SRP9: variants seen among roughly 807,000 people sequenced by gnomAD.
SRP9 encodes signal recognition particle 9.
In SRP9, 2 loss-of-function variants were observed where a neutral mutation model predicts 11.7. That is an observed-to-expected ratio of 0.17 (90% confidence interval 0.07 to 0.54). The LOEUF is 0.54. SRP9 is among the 20% of genes least tolerant of loss of function. The pLI is 0.94. For missense variants in SRP9, 54 were observed against 108.1 expected, an observed-to-expected ratio of 0.50 and a Z score of 2.22; for synonymous variants, 27 against 35.6, an observed-to-expected ratio of 0.76 and a Z score of 0.86.
At chr1:225,788,841 G>GT (rs201423099) in intron 2 of SRP9, among the ~76,000 whole-genome samples, 179 of 151,598 alleles carry the variant, frequency 1.2e-3, no homozygotes, top group African/African-American at 3.6e-3. Flanking sequence ...AGATTTCTGT[G>GT]TTTTTTTTTC....
Position 225,789,634 on chromosome 1 carries a change from T to C in SRP9, c.*275T>C, listed in dbSNP as rs1294943613. 3.9e-5 allele frequency: 9 copies of C among 228,588 alleles called. No individual in the cohort carries two copies. In the South Asian group the frequency reaches 8.2e-4, roughly 21 times the overall value. 14.2% of individuals were successfully genotyped at this position (228,588 alleles called of 1,614,324 possible). A position where few individuals can be genotyped will look rare whatever the true frequency, so the allele number is the denominator to read the frequency against. On this transcript the variant is annotated 3_prime_UTR_variant, in exon 3 of 3. Coordinates refer to ENST00000304786, the MANE Select transcript of SRP9 (RefSeq NM_003133.6). ...ATGTTAGGTAAAACATGTAATTGTT[T>C]CTCTGGCAAATTTGTATCAGTAATT...
intron 1 of SRP9, 142 bp from the exon 2 acceptor site, chr1:225,783,158 G>C (rs1042465945): frequency 5.5e-6 from 3 of 546,860 alleles, no homozygotes; most frequent in Non-Finnish European, 9.6e-6. Flanking sequence ...ACTTCATTTC[G>C]GTTTAGTTTA....
intron 2 of SRP9, among the ~76,000 whole-genome samples, chr1:225,785,414 G>T (rs779787754): frequency 4.0e-5 from 6 of 150,452 alleles, no homozygotes; most frequent in African/African-American, 1.5e-4. Context: ...ATGGAGTCTC[G>T]CTCTGTCGCC....
intron 2 of SRP9, among the ~76,000 whole-genome samples, chr1:225,787,391 G>A (rs1157881453): frequency 6.6e-6 from 1 of 152,068 alleles, no homozygotes; most frequent in Non-Finnish European, 1.5e-5. Context: ...ATATTAGCAT[G>A]GTGGTGGGTG....
Position 225,777,854 on chromosome 1 carries a change from C to T in SRP9, c.-87C>T. 4 of 1,326,136 alleles carry T rather than the reference C, an allele frequency of 3.0e-6. No individual in the cohort carries two copies. The highest frequency in any genetic ancestry group is 2.4e-5 in the East Asian group (1 of 41,660). The allele number at this position is 1,326,136 out of a possible 1,614,324, so 82.1% of individuals were successfully genotyped here. ...GCCATCTTGGGGCTGCTGGGACTCG[C>T]GTCGGTTGGCGACTCCCGGACGTAG... On this transcript the variant is annotated 5_prime_UTR_variant, in exon 1 of 3. Coordinates refer to ENST00000304786, the MANE Select transcript of SRP9 (RefSeq NM_003133.6).
chr1:225,782,562 AAAAT>A (rs1403187037), intron 1 of SRP9, among the ~76,000 whole-genome samples: 3 of 152,240 alleles, frequency 2.0e-5, no homozygotes, highest in African/African-American at 4.8e-5. Context: ...TCACTGAAAA[AAAAT>A]AATGTTCGTG....
At chr1:225,784,728 G>C (rs1665868354) in intron 2 of SRP9, among the ~76,000 whole-genome samples, 1 of 151,854 alleles carries the variant, frequency 6.6e-6, no homozygotes, top group East Asian at 2.0e-4. Context: ...TGTAGTCCCA[G>C]CTACTCAGGA....
intron 2 of SRP9, 98 bp downstream of exon 2, chr1:225,783,466 A>C (rs1665838079): frequency 2.1e-6 from 2 of 954,730 alleles, no homozygotes; most frequent in South Asian, 3.1e-5. Flanking sequence ...ATTACCCATT[A>C]GGATGCTTAT....
intron 1 of SRP9, among the ~76,000 whole-genome samples, chr1:225,779,867 A>G (rs1426979316): frequency 6.6e-6 from 1 of 152,358 alleles, no homozygotes; most frequent in South Asian, 2.1e-4. Flanking sequence ...CCCACAGTAT[A>G]AACTAAAAAT....
At chr1:225,784,874 C>T (rs1003924841) in intron 2 of SRP9, among the ~76,000 whole-genome samples, 3 of 152,042 alleles carry the variant, frequency 2.0e-5, no homozygotes, top group Non-Finnish European at 2.9e-5. Flanking sequence ...GCTGCTTCTT[C>T]TGTTCCTACC....
intron 1 of SRP9, among the ~76,000 whole-genome samples, chr1:225,781,388 T>C (rs1167086594): frequency 7.3e-6 from 1 of 137,614 alleles, no homozygotes; most frequent in Non-Finnish European, 1.6e-5. Flanking sequence ...TTTTTTCTTT[T>C]CTTTTTCTTT....
intron 2 of SRP9, 30 bp from the exon 3 acceptor site, chr1:225,789,210 G>A (rs765780699): frequency 1.3e-6 from 2 of 1,599,626 alleles, no homozygotes; most frequent in Admixed American, 3.4e-5. Flanking sequence ...GTTTTATATA[G>A]TTAATATGTA....
intron 2 of SRP9, 176 bp from the exon 3 acceptor site, chr1:225,789,064 C>T (rs1477324655): frequency 7.1e-6 from 11 of 1,550,970 alleles, no homozygotes; most frequent in African/African-American, 1.4e-5. Flanking sequence ...TACTTTAAGA[C>T]ATGGAATTGC....
rs116335664 is a variant in SRP9 at position 225,787,737 on chromosome 1, C to A, written c.142-1503C>A. On this transcript the variant is annotated intron_variant, in intron 2 of 2. Coordinates refer to ENST00000304786, the MANE Select transcript of SRP9 (RefSeq NM_003133.6). ...ATACTGTCTTCTATGGACCTAAAAT[C>A]TTTTTCTGTCAGAAATTTCAGTGAG... is the stretch of plus-strand genomic sequence containing the variant. Among the ~76,000 whole-genome samples the A allele has an allele frequency of 8.2e-3, 1,255 of 152,214 alleles. 10 individuals are homozygous for A. Among genetic ancestry groups the A allele is most frequent in the Non-Finnish European group, 0.014 (963 of 68,020 alleles).
intron 1 of SRP9, among the ~76,000 whole-genome samples, chr1:225,778,411 G>C (rs1011587634): frequency 2.0e-5 from 3 of 152,190 alleles, no homozygotes; most frequent in African/African-American, 7.2e-5. Context: ...AACTGATGAT[G>C]TTTTTTCTAC....
chr1:225,784,226 GTTCTTTTTTTTT>G (rs1665853059), intron 2 of SRP9, among the ~76,000 whole-genome samples: 1 of 42,558 alleles, frequency 2.3e-5, no homozygotes, highest in Non-Finnish European at 4.5e-5. Flanking sequence ...TTTATCACCT[GTTCTTTTTTTTT>G]TTTTTTTTTT....
chr1:225,788,997 A>G, intron 2 of SRP9: 1 of 1,546,692 alleles, frequency 6.5e-7, no homozygotes, highest in Admixed American at 2.0e-5. Flanking sequence ...ATTTTTCAGA[A>G]GCTTCTAATA....
intron 2 of SRP9, among the ~76,000 whole-genome samples, chr1:225,788,483 C>T (rs1445006212): frequency 7.0e-6 from 1 of 143,374 alleles, no homozygotes. Flanking sequence ...GTGGCATGAT[C>T]TTGGCTCACT....
At chr1:225,785,458 C>G (rs886812426) in intron 2 of SRP9, among the ~76,000 whole-genome samples, 32 of 151,180 alleles carry the variant, frequency 2.1e-4, no homozygotes, top group African/African-American at 7.5e-4. Flanking sequence ...TCTCGGCTCA[C>G]TGCAAACTGC....
Sources: gnomAD v4.1 joint callset for allele counts (sites outside exome capture counted in the v4.1 genomes callset) on GRCh38, gnomAD v4.1.1 for gene constraint, MANE v1.5 for transcripts, NCBI Gene and HGNC (gene_info 2026-07-23, HGNC 2026-07-21) for gene names.